DLGAP3: variants seen among roughly 807,000 people sequenced by gnomAD.
The protein encoded by DLGAP3 is disks large-associated protein 3.
A neutral mutation model predicts 81.2 loss-of-function variants in DLGAP3; 17 were observed. The observed-to-expected ratio is 0.21, with a 90% CI of 0.14 to 0.31. The LOEUF (loss-of-function observed/expected upper bound fraction) is 0.31, where lower values mean the gene tolerates loss of function less well. Ranked by LOEUF, DLGAP3 falls within the 10% of genes least tolerant of loss-of-function variation. The pLI is 1.00. For synonymous variants in DLGAP3, 577 were observed against 587.4 expected (o/e 0.98, Z 0.26); for missense variants, 1,124 against 1,388.0 (o/e 0.81, Z 3.02).
chr1:34,880,044 T>C (rs1639122128), intron 8 of DLGAP3, among the ~76,000 whole-genome samples: 1 of 152,220 alleles, frequency 6.6e-6, no homozygotes, highest in African/African-American at 2.4e-5. Context: ...TATGTATTTT[T>C]TTCTTTCCCC....
chr1:34,866,739 C>T (rs1469207402), intron 11 of DLGAP3, among the ~76,000 whole-genome samples: 1 of 151,886 alleles, frequency 6.6e-6, no homozygotes, highest in Non-Finnish European at 1.5e-5. Context: ...ACAGTCTGTC[C>T]TTCCGTAAGG....
chr1:34,885,004 A>G lies in DLGAP3; in HGVS notation c.1974T>C (p.Ile658=). ...ENRSRREFHS[I]GVQVEEDKRR... ...TCTTGTCCTCTTCCACCTGCACGCC[A>G]ATAGAGTGGAACTCCCTCCGGCTCC... The change falls in exon 8 of 12, where the codon ATT becomes ATC. Residue 658 remains isoleucine, a synonymous_variant. Transcript: ENST00000373347. The G allele has an allele frequency of 1.9e-6, 3 of 1,612,870 alleles. No individual in the cohort carries two copies. The highest frequency in any genetic ancestry group is 2.5e-6 in the Non-Finnish European group (3 of 1,179,800).
At chr1:34,918,300 G>C (rs1031175296) in intron 1 of DLGAP3, among the ~76,000 whole-genome samples, 1 of 152,222 alleles carries the variant, frequency 6.6e-6, no homozygotes, top group African/African-American at 2.4e-5. Flanking sequence ...TCACCTCGAG[G>C]TGTGCCCTGG....
intron 5 of DLGAP3, 125 bp downstream of exon 5, chr1:34,899,544 A>C: frequency 2.2e-6 from 2 of 889,606 alleles, no homozygotes; most frequent in Non-Finnish European, 1.9e-6. Flanking sequence ...CAGGTTTCCC[A>C]GTTTCCCCAG....
At chr1:34,869,336 G>A (rs928814040) in intron 8 of DLGAP3, among the ~76,000 whole-genome samples, 1 of 152,196 alleles carries the variant, frequency 6.6e-6, no homozygotes, top group Admixed American at 6.5e-5. Flanking sequence ...GGACAGAGCA[G>A]ATGCTGGCAT....
rs773000460 is a variant in DLGAP3 at position 34,865,723 on chromosome 1, GGGA to G, written c.*357_*359del. The G allele has an allele frequency of 2.0e-4, 67 of 337,382 alleles. No homozygotes were observed. The East Asian group carries it at 4.5e-3, about 23-fold the overall frequency. 20.9% of individuals were successfully genotyped at this position (337,382 alleles called of 1,614,324 possible). A position where few individuals can be genotyped will look rare whatever the true frequency, so the allele number is the denominator to read the frequency against. ...CACGAAGCCCAGCCCCGCGGGGTGG[GGGA>G]GGGGGGGACGCAGAGCCCAGATGAG... is the stretch of plus-strand genomic sequence containing the variant. On this transcript the variant is annotated 3_prime_UTR_variant, in exon 12 of 12. Transcript: ENST00000373347.
intron 1 of DLGAP3, among the ~76,000 whole-genome samples, chr1:34,910,712 C>G (rs1446579319): frequency 1.3e-5 from 2 of 152,220 alleles, no homozygotes; most frequent in Admixed American, 6.5e-5. Context: ...GAAGCTTTCT[C>G]TGGCCTCCCT....
chr1:34,898,663 G>A (rs1279759565), intron 5 of DLGAP3, among the ~76,000 whole-genome samples: 1 of 152,172 alleles, frequency 6.6e-6, no homozygotes, highest in Non-Finnish European at 1.5e-5. Flanking sequence ...CTATTATGAT[G>A]CCTATTTTTA....
rs551343531 is a variant in DLGAP3, at chr1:34,913,483, G to A, written c.-134-6046C>T. Among the ~76,000 whole-genome samples the A allele has an allele frequency of 4.1e-4, 62 of 152,208 alleles. 2 individuals are homozygous for A. Among genetic ancestry groups the A allele is most frequent in the African/African-American group, 1.4e-3 (59 of 41,500 alleles). On this transcript the variant is annotated intron_variant, in intron 1 of 11. Coordinates refer to ENST00000373347, the MANE Select transcript of DLGAP3 (RefSeq NM_001080418.3). ...GACAGAGAGGCCTACCTGATCACTCGCTCCAACTAAAGTTGAGCTGCAACC... is the reference window on the plus strand; with the variant it reads ...GACAGAGAGGCCTACCTGATCACTCACTCCAACTAAAGTTGAGCTGCAACC...
chr1:34,904,341 C>T lies in DLGAP3; in HGVS notation c.1043G>A (p.Gly348Glu), dbSNP rs763551042. ...SQGRDGYPGA[G>E]PGKGLLGPET... ...CGGACCCAGGAGCCCCTTGCCTGGCCCGGCCCCCGGGTATCCATCCCGGCC... is the reference window on the plus strand; with the variant it reads ...CGGACCCAGGAGCCCCTTGCCTGGCTCGGCCCCCGGGTATCCATCCCGGCC... The change falls in exon 3 of 12, where the codon GGG becomes GAG. Residue 348 changes from glycine to glutamate, a missense_variant. Physicochemically the swap from Gly to Glu is moderately conservative, Grantham distance 98 (BLOSUM62 -2). Around this residue, in one of 9 missense-constraint regions of DLGAP3, gnomAD observed 357 missense variants for 408.8 expected, o/e 0.87. Transcript: ENST00000373347. The surrounding 1 kb of genome is among the most constrained non-coding windows in gnomAD (Gnocchi z 8.1). The T allele has an allele frequency of 6.2e-7, 1 of 1,611,934 alleles. No individual in the cohort carries two copies. Among genetic ancestry groups the T allele is most frequent in the Non-Finnish European group, 8.5e-7 (1 of 1,180,032 alleles).
chr1:34,871,900 C>T (rs1638985942), intron 8 of DLGAP3, among the ~76,000 whole-genome samples: 1 of 152,116 alleles, frequency 6.6e-6, no homozygotes, highest in South Asian at 2.1e-4. Flanking sequence ...CAAAGGAGAC[C>T]AAGGAAGTCG....
chr1:34,913,307 C>T (rs566096740), intron 1 of DLGAP3, among the ~76,000 whole-genome samples: 15 of 152,302 alleles, frequency 9.8e-5, no homozygotes, highest in African/African-American at 2.9e-4. Flanking sequence ...AAATCCATCT[C>T]CTGACCCACT....
intron 1 of DLGAP3, among the ~76,000 whole-genome samples, chr1:34,919,096 G>C (rs1176850938): frequency 2.0e-5 from 3 of 152,172 alleles, no homozygotes; most frequent in Non-Finnish European, 1.5e-5. Context: ...CACAGCCCAG[G>C]TGGGAGGGGA....
chr1:34,885,030 T>C lies in DLGAP3; in HGVS notation c.1948A>G (p.Arg650Gly). The change falls in exon 8 of 12, where the codon AGG becomes GGG. Residue 650 changes from arginine to glycine, a missense_variant. This residue lies in a region of DLGAP3 where 379 missense variants were observed against 455.7 expected (regional missense o/e 0.83). Coordinates refer to ENST00000373347, the MANE Select transcript of DLGAP3 (RefSeq NM_001080418.3). ...ATAGAGTGGAACTCCCTCCGGCTCC[T>C]GTTCTCGGTGTCCGAATCTGAGATC... is the stretch of plus-strand genomic sequence containing the variant. ...ETISDSDTEN[R>G]SRREFHSIGV... The C allele has an allele frequency of 6.2e-7, 1 of 1,613,570 alleles. No individual in the cohort carries two copies. Among genetic ancestry groups the C allele is most frequent in the Non-Finnish European group, 8.5e-7 (1 of 1,179,990 alleles).
rs554766063 is a variant in DLGAP3 at position 34,886,908 on chromosome 1, T to C, written c.1387-623A>G. On this transcript the variant is annotated intron_variant, in intron 5 of 11. Transcript: ENST00000373347. ...ATGCGTAAGTGATGGAGCAAAGTTA[T>C]TAACCTACCAGTGTCCCAAGCCTTC... Among the ~76,000 whole-genome samples the C allele has an allele frequency of 5.4e-5, 8 of 149,410 alleles. No individual in the cohort carries two copies. The East Asian group carries it at 1.6e-3, about 29-fold the overall frequency.
At chr1:34,914,417 C>T (rs1639686186) in intron 1 of DLGAP3, among the ~76,000 whole-genome samples, 1 of 152,176 alleles carries the variant, frequency 6.6e-6, no homozygotes, top group African/African-American at 2.4e-5. Context: ...GAAGACTGCA[C>T]ACTGCTGAGA....
intron 5 of DLGAP3, among the ~76,000 whole-genome samples, chr1:34,896,173 T>G (rs1639377912): frequency 6.6e-6 from 1 of 152,178 alleles, no homozygotes; most frequent in South Asian, 2.1e-4. Context: ...AAATACAAAT[T>G]ACTGAATAGT....
At chr1:34,918,347 C>T (rs1639748404) in intron 1 of DLGAP3, among the ~76,000 whole-genome samples, 2 of 152,214 alleles carry the variant, frequency 1.3e-5, no homozygotes, top group African/African-American at 2.4e-5. Flanking sequence ...CCTTACAGTG[C>T]CCAGGGTGGA....
intron 3 of DLGAP3, among the ~76,000 whole-genome samples, chr1:34,901,711 A>C (rs147301353): frequency 6.2e-4 from 95 of 152,346 alleles, no homozygotes; most frequent in African/African-American, 2.2e-3. Context: ...ATCTGTGGCC[A>C]CTGCCAGGAC....
Sources: allele counts gnomAD v4.1 joint callset (sites outside exome capture counted in the v4.1 genomes callset), GRCh38; gene constraint gnomAD v4.1.1; regional missense constraint gnomAD v4.1.1; non-coding constraint Gnocchi (gnomAD v3.1); transcripts MANE v1.5; gene names NCBI Gene and HGNC (gene_info 2026-07-23, HGNC 2026-07-21).